KCNIP1: variants seen among roughly 807,000 people sequenced by gnomAD.
The protein encoded by KCNIP1 is A-type potassium channel modulatory protein KCNIP1.
Under a neutral mutation model 33.0 loss-of-function variants are expected in KCNIP1, and 18 were observed. The observed-to-expected ratio is 0.55, with a 90% CI of 0.38 to 0.81. KCNIP1 has a LOEUF of 0.81. KCNIP1 is among the 30% of genes least tolerant of loss of function. KCNIP1 has a pLI of 0.00. For missense variants in KCNIP1, 238 were observed against 271.6 expected (o/e 0.88, Z 0.87); for synonymous variants, 93 against 98.3 (o/e 0.95, Z 0.32).
At chr5:170,501,617 A>C (rs1239839645), upstream of KCNIP1, among the ~76,000 whole-genome samples, 1 of 152,236 alleles carries the variant, frequency 6.6e-6, no homozygotes, top group Non-Finnish European at 1.5e-5. Context: ...AGCAGAAATG[A>C]GAGGATGACA....
At chr5:170,564,544 C>G (rs962569803) in intron 1 of KCNIP1, among the ~76,000 whole-genome samples, 1 of 152,204 alleles carries the variant, frequency 6.6e-6, no homozygotes, top group African/African-American at 2.4e-5. Context: ...CTTTTCCCCA[C>G]CTTCCTGATC....
chr5:170,374,866 A>T (rs1229451686), intron 1 of KCNIP1: 1 of 152,202 alleles, frequency 6.6e-6, no homozygotes, highest in African/African-American at 2.4e-5. Context: ...CTTTATTGAC[A>T]GGAGGAGAAC....
chr5:170,725,815 TA>T (rs1319758877), intron 5 of KCNIP1, among the ~76,000 whole-genome samples: 1 of 152,010 alleles, frequency 6.6e-6, no homozygotes, highest in African/African-American at 2.4e-5. Context: ...AAATTAAAAA[TA>T]AAAAATAAAT....
intron 1 of KCNIP1, among the ~76,000 whole-genome samples, chr5:170,667,974 A>G (rs190524060): frequency 6.6e-6 from 1 of 152,312 alleles, no homozygotes; most frequent in Admixed American, 6.5e-5. Flanking sequence ...ATTGGCTCCA[A>G]TGGGCTCATA....
chr5:170,473,634 C>T (rs1382228808), intron 1 of KCNIP1, among the ~76,000 whole-genome samples: 4 of 152,110 alleles, frequency 2.6e-5, no homozygotes, highest in South Asian at 2.1e-4. Flanking sequence ...GCATGGGGGC[C>T]GTCAGTGACA....
intron 1 of KCNIP1, among the ~76,000 whole-genome samples, chr5:170,416,507 T>G (rs1371048738): frequency 1.3e-5 from 2 of 152,140 alleles, no homozygotes; most frequent in African/African-American, 2.4e-5. Flanking sequence ...TAACTCAGCC[T>G]TGTCACAGGG....
intron 1 of KCNIP1, among the ~76,000 whole-genome samples, chr5:170,566,435 G>A (rs922858455): frequency 7.2e-5 from 11 of 152,200 alleles, no homozygotes; most frequent in African/African-American, 2.4e-4. Flanking sequence ...GCTTTTAAAG[G>A]AAAATGGAAA....
chr5:170,361,140 G>A (rs1039765821), intron 1 of KCNIP1, among the ~76,000 whole-genome samples: 27 of 152,240 alleles, frequency 1.8e-4, no homozygotes, highest in Admixed American at 1.4e-3. Context: ...CAGCTGGCCA[G>A]GTGCTCAGGT....
intron 1 of KCNIP1, among the ~76,000 whole-genome samples, chr5:170,718,499 T>C (rs1008190916): frequency 1.3e-5 from 2 of 152,324 alleles, no homozygotes; most frequent in Admixed American, 1.3e-4. Context: ...TATGGATTTA[T>C]TTTGAGCACT....
intron 1 of KCNIP1, among the ~76,000 whole-genome samples, chr5:170,657,932 G>A (rs532956892): frequency 1.3e-5 from 2 of 152,260 alleles, no homozygotes; most frequent in African/African-American, 4.8e-5. Context: ...CAAAACCCAG[G>A]GCAGGACACA....
intron 1 of KCNIP1, among the ~76,000 whole-genome samples, chr5:170,521,680 T>A (rs1755368649): frequency 6.6e-6 from 1 of 152,100 alleles, no homozygotes; most frequent in Admixed American, 6.5e-5. Flanking sequence ...CAAGAGATGG[T>A]GTTTGAATAT....
At chr5:170,408,717 AC>A (rs1755101770) in intron 1 of KCNIP1, among the ~76,000 whole-genome samples, 1 of 151,918 alleles carries the variant, frequency 6.6e-6, no homozygotes, top group African/African-American at 2.4e-5. Flanking sequence ...TATTTTAAAT[AC>A]CCCCTGGCTT....
intron 3 of KCNIP1, among the ~76,000 whole-genome samples, chr5:170,720,720 G>A (rs1763791500): frequency 6.6e-6 from 1 of 152,196 alleles, no homozygotes; most frequent in Admixed American, 6.5e-5. Flanking sequence ...TTGCACAGCT[G>A]GTGAGTAGCA....
intron 1 of KCNIP1, among the ~76,000 whole-genome samples, chr5:170,507,256 T>TA (rs1754756277): frequency 6.6e-6 from 1 of 152,220 alleles, no homozygotes; most frequent in Non-Finnish European, 1.5e-5. Flanking sequence ...TGCCACTTAC[T>TA]AGCTGTATGA....
At chr5:170,726,633 C>T (rs533991547) in intron 5 of KCNIP1, among the ~76,000 whole-genome samples, 3 of 151,916 alleles carry the variant, frequency 2.0e-5, no homozygotes, top group African/African-American at 7.2e-5. Context: ...GGCATGGTGG[C>T]TTACGCCTAT....
chr5:170,711,471 CTGTAACAGT>C, intron 1 of KCNIP1, among the ~76,000 whole-genome samples: 1 of 152,206 alleles, frequency 6.6e-6, no homozygotes, highest in East Asian at 1.9e-4. Context: ...CTGCGTAATG[CTGTAACAGT>C]GGATACATGA....
chr5:170,713,793 G>A (rs1763540386), intron 1 of KCNIP1, among the ~76,000 whole-genome samples: 1 of 152,046 alleles, frequency 6.6e-6, no homozygotes, highest in South Asian at 2.1e-4. Context: ...AGGCCAAGGT[G>A]GGCAGATCAC....
intron 1 of KCNIP1, among the ~76,000 whole-genome samples, chr5:170,677,380 A>T (rs1311719497): frequency 6.6e-6 from 1 of 152,176 alleles, no homozygotes; most frequent in Non-Finnish European, 1.5e-5. Context: ...TGTGCTGAGC[A>T]GTTTATGGCA....
intron 1 of KCNIP1, among the ~76,000 whole-genome samples, chr5:170,687,541 A>C (rs1324209662): frequency 6.6e-6 from 1 of 152,160 alleles, no homozygotes; most frequent in Non-Finnish European, 1.5e-5. Flanking sequence ...CAGGCTTTAG[A>C]CTGTTGGTTG....
Sources: allele counts gnomAD v4.1 joint callset (sites outside exome capture counted in the v4.1 genomes callset), GRCh38; gene constraint gnomAD v4.1.1; transcripts MANE v1.5; gene names NCBI Gene and HGNC (gene_info 2026-07-23, HGNC 2026-07-21).